PCDH15: variants seen among roughly 807,000 people sequenced by gnomAD.
The protein encoded by PCDH15 is protocadherin related 15.
In PCDH15, 129 loss-of-function variants were observed where a neutral mutation model predicts 178.5. The observed-to-expected ratio is 0.72, with a 90% CI of 0.63 to 0.84. The LOEUF (loss-of-function observed/expected upper bound fraction) is 0.84, where lower values mean the gene tolerates loss of function less well. Among genes scored for constraint, PCDH15 ranks in the 40% least tolerant of loss-of-function variants. The pLI is 0.00. For synonymous variants in PCDH15, 800 were observed against 732.0 expected (o/e 1.09, Z -1.50); for missense variants, 2,230 against 2,099.9 (o/e 1.06, Z -1.21).
intron 1 of PCDH15, among the ~76,000 whole-genome samples, chr10:55,239,479 A>C (rs1301394443): frequency 6.6e-6 from 1 of 152,174 alleles, no homozygotes; most frequent in African/African-American, 2.4e-5. Context: ...GGTGCTAGCA[A>C]AACTGGATAT....
At chr10:55,438,779 T>C (rs1350759550) in intron 2 of PCDH15, among the ~76,000 whole-genome samples, 3 of 151,972 alleles carry the variant, frequency 2.0e-5, no homozygotes, top group African/African-American at 7.2e-5. Context: ...ATTAATATTT[T>C]TGTTCTATTA....
In PCDH15 at chr10:55,205,510, TAGTC is replaced by T. The variant is rs894535481; in HGVS notation, c.-155-38863_-155-38860del. On this transcript the variant is annotated intron_variant, in intron 1 of 5. Transcript: ENST00000458638. Reference sequence around the variant, plus strand: ...TATTTTCAAATATAATATTAGTTAATAGTCTGTTGAAATATTTGATACACTACAA... The same window carrying T: ...TATTTTCAAATATAATATTAGTTAATTGTTGAAATATTTGATACACTACAA... Among the ~76,000 whole-genome samples the T allele has an allele frequency of 5.5e-4, 84 of 152,182 alleles. 1 individual carries two copies. The highest frequency in any genetic ancestry group is 1.7e-3 in the African/African-American group (72 of 41,488).
intron 15 of PCDH15, among the ~76,000 whole-genome samples, chr10:54,092,612 G>GA (rs72251943): frequency 3.3e-5 from 5 of 151,548 alleles, no homozygotes; most frequent in East Asian, 1.9e-4. Flanking sequence ...CCTAGGAGTA[G>GA]AAAAAAAAGA....
intron 5 of PCDH15, among the ~76,000 whole-genome samples, chr10:54,363,527 T>C (rs1193847258): frequency 3.3e-5 from 5 of 152,178 alleles, no homozygotes; most frequent in Non-Finnish European, 7.4e-5. Context: ...TATATTTGTA[T>C]TGTCAGCAGA....
chr10:53,806,498 T>C lies in PCDH15; in HGVS notation c.*81A>G. The C allele has an allele frequency of 1.7e-6, 2 of 1,198,946 alleles. No individual in the cohort carries two copies. Among genetic ancestry groups the C allele is most frequent in the Non-Finnish European group, 1.2e-6 (1 of 866,512 alleles). 74.3% of individuals were successfully genotyped at this position (1,198,946 alleles called of 1,614,324 possible). A position where few individuals can be genotyped will look rare whatever the true frequency, so the allele number is the denominator to read the frequency against. ...GTGTGCATGATATAAATTCCATACA[T>C]TGTTTTCTCAGTGACAATAAAAAGC... is the stretch of plus-strand genomic sequence containing the variant. On this transcript the variant is annotated 3_prime_UTR_variant, in exon 38 of 38. Transcript: ENST00000644397.
At chr10:53,898,303 T>C (rs983124165) in intron 26 of PCDH15, among the ~76,000 whole-genome samples, 1 of 152,164 alleles carries the variant, frequency 6.6e-6, no homozygotes, top group Admixed American at 6.5e-5. Context: ...TTGTTGTAAA[T>C]AGCACTTCTA....
At chr10:54,370,337 T>C (rs1783865684) in intron 4 of PCDH15, among the ~76,000 whole-genome samples, 1 of 152,006 alleles carries the variant, frequency 6.6e-6, no homozygotes, top group African/African-American at 2.4e-5. Flanking sequence ...ACATCTCCTT[T>C]CAAATTTCTT....
At chr10:55,024,869 T>C (rs938995686) in intron 2 of PCDH15, among the ~76,000 whole-genome samples, 2 of 152,146 alleles carry the variant, frequency 1.3e-5, no homozygotes, top group Non-Finnish European at 2.9e-5. Flanking sequence ...ACCTCTTAAC[T>C]TGGCTGCCTG....
chr10:54,666,967 C>A (rs563020535), intron 1 of PCDH15, among the ~76,000 whole-genome samples: 6 of 152,062 alleles, frequency 3.9e-5, no homozygotes, highest in African/African-American at 1.2e-4. Flanking sequence ...ATGTCACTGC[C>A]ATTATTATGC....
In PCDH15 at chr10:53,991,247, A is replaced by T. The variant is rs544535958; in HGVS notation, c.2868+4402T>A. On this transcript the variant is annotated intron_variant, in intron 21 of 37. Coordinates refer to ENST00000644397, the MANE Select transcript of PCDH15 (RefSeq NM_001384140.1). ...GCTCTGCCTGCAGCCCCGGCGTGGG[A>T]TCCACTAGCCAAAGCCAGCTGGGCT... Among the ~76,000 whole-genome samples, 101 of 152,304 alleles carry T rather than the reference A, an allele frequency of 6.6e-4. 1 individual carries two copies. The highest frequency in any genetic ancestry group is 2.4e-3 in the African/African-American group (98 of 41,564).
chr10:55,005,941 T>A (rs957110053), intron 2 of PCDH15, among the ~76,000 whole-genome samples: 6 of 151,814 alleles, frequency 4.0e-5, no homozygotes, highest in African/African-American at 7.2e-5. Context: ...CTGTTATAAA[T>A]ACTTATTCTA....
intron 19 of PCDH15, among the ~76,000 whole-genome samples, chr10:54,022,343 AC>A (rs35415704): frequency 0.76 from 114,660 of 151,848 alleles, 43,487 homozygotes; most frequent in Middle Eastern, 0.82. Context: ...GAATGTGAAA[AC>A]AATACAGAAT....
At chr10:54,924,575 TC>T (rs201077217) in intron 2 of PCDH15, among the ~76,000 whole-genome samples, 1 of 88,082 alleles carries the variant, frequency 1.1e-5, no homozygotes, top group African/African-American at 3.1e-5. Context: ...ATATAAGTGT[TC>T]TTTTTTCTCC....
At chr10:55,317,418 A>C (rs1329711559) in intron 1 of PCDH15, among the ~76,000 whole-genome samples, 1 of 152,096 alleles carries the variant, frequency 6.6e-6, no homozygotes, top group Non-Finnish European at 1.5e-5. Context: ...CATGTGTTTT[A>C]ATATCTTACC....
At chr10:54,374,213 C>A (rs955197961) in intron 4 of PCDH15, among the ~76,000 whole-genome samples, 1 of 151,930 alleles carries the variant, frequency 6.6e-6, no homozygotes, top group Admixed American at 6.6e-5. Flanking sequence ...GATGGAGATG[C>A]AAGATACAAG....
chr10:54,402,820 A>G (rs1237963208), intron 3 of PCDH15, among the ~76,000 whole-genome samples: 1 of 151,900 alleles, frequency 6.6e-6, no homozygotes, highest in African/African-American at 2.4e-5. Context: ...CCATCTCTTC[A>G]GGCCTCTGTA....
chr10:55,016,051 G>A (rs1240560506), intron 2 of PCDH15, among the ~76,000 whole-genome samples: 1 of 145,496 alleles, frequency 6.9e-6, no homozygotes, highest in African/African-American at 2.6e-5. Context: ...CAGCAGGCTT[G>A]AGTTGTAATT....
chr10:54,080,902 C>T (rs1489875772), intron 16 of PCDH15, among the ~76,000 whole-genome samples: 2 of 152,066 alleles, frequency 1.3e-5, no homozygotes, highest in African/African-American at 2.4e-5. Flanking sequence ...TGTATTTCTT[C>T]TGAGGCTTAT....
At chr10:54,304,330 A>G (rs1470686159) in intron 8 of PCDH15, among the ~76,000 whole-genome samples, 1 of 152,098 alleles carries the variant, frequency 6.6e-6, no homozygotes, top group Admixed American at 6.6e-5. Flanking sequence ...ATTAATCTCT[A>G]TGACTTTGTT....
Sources: gnomAD v4.1 joint callset for allele counts (sites outside exome capture counted in the v4.1 genomes callset) on GRCh38, gnomAD v4.1.1 for gene constraint, MANE v1.5 for transcripts, NCBI Gene and HGNC (gene_info 2026-07-23, HGNC 2026-07-21) for gene names.